Variants in RBMS2 observed in about 807,000 individuals in gnomAD.
RBMS2 encodes RNA-binding motif, single-stranded-interacting protein 2.
In RBMS2, 38 loss-of-function variants were observed where a neutral mutation model predicts 58.4. The ratio of observed to expected loss-of-function variants is 0.65; its 90% CI spans 0.50 to 0.85. The LOEUF (loss-of-function observed/expected upper bound fraction) is 0.85. Among genes scored for constraint, RBMS2 ranks in the 40% least tolerant of loss-of-function variants. The pLI is 0.00. For synonymous variants in RBMS2, 151 were observed against 180.7 expected (o/e 0.84, Z 1.32); for missense variants, 367 against 503.7 (o/e 0.73, Z 2.60).
chr12:56,541,100 CA>C (rs376084138), intron 1 of RBMS2, among the ~76,000 whole-genome samples: 2,152 of 125,058 alleles, frequency 0.017, 22 homozygotes, highest in African/African-American at 0.034. Flanking sequence ...GACCTTGACT[CA>C]AAAAAAAAAA....
At chr12:56,548,508 G>A (rs1877669375) in intron 1 of RBMS2, among the ~76,000 whole-genome samples, 1 of 152,102 alleles carries the variant, frequency 6.6e-6, no homozygotes. Context: ...GGATCTCATG[G>A]GTAATTATTA....
chr12:56,548,063 T>C (rs1877580070), intron 1 of RBMS2, among the ~76,000 whole-genome samples: 1 of 152,182 alleles, frequency 6.6e-6, no homozygotes, highest in African/African-American at 2.4e-5. Flanking sequence ...TGTTAATAAA[T>C]AAATATATTA....
chr12:56,553,970 G>A (rs907064135), intron 1 of RBMS2, among the ~76,000 whole-genome samples: 3 of 151,656 alleles, frequency 2.0e-5, no homozygotes, highest in Admixed American at 6.6e-5. Context: ...GACTATAGGC[G>A]CATGCCACTA....
In RBMS2 at chr12:56,588,379, G is replaced by A; in HGVS notation, c.1143+5G>A. On this transcript the variant is annotated splice_donor_5th_base_variant and intron_variant, in intron 12 of 13. Transcript: ENST00000262031. ...TCTTCCAGTGTTTCAGTCGAGGTAA[G>A]GGTGTTATCATTTCTTTGGATTGAG... is the stretch of plus-strand genomic sequence containing the variant. 3 of 1,607,566 alleles carry A rather than the reference G, an allele frequency of 1.9e-6. No individual in the cohort carries two copies. Among genetic ancestry groups the A allele is most frequent in the Non-Finnish European group, 2.6e-6 (3 of 1,174,300 alleles).
intron 1 of RBMS2, among the ~76,000 whole-genome samples, chr12:56,526,652 C>A (rs1592311637): frequency 2.7e-5 from 3 of 112,144 alleles, no homozygotes; most frequent in African/African-American, 6.9e-5. Context: ...TAATGCCCTT[C>A]AGTAACTTGG....
At chr12:56,574,077 G>A (rs1006204194) in intron 5 of RBMS2, among the ~76,000 whole-genome samples, 9 of 152,222 alleles carry the variant, frequency 5.9e-5, no homozygotes, top group African/African-American at 2.2e-4. Flanking sequence ...CTGACCTCAG[G>A]TTATCCAGCC....
chr12:56,586,021 A>G (rs1035119484), intron 9 of RBMS2, among the ~76,000 whole-genome samples: 3 of 152,042 alleles, frequency 2.0e-5, no homozygotes, highest in Admixed American at 6.6e-5. Context: ...CGTCTCTACA[A>G]AAAATACAAA....
chr12:56,581,329 A>C (rs1171391448), intron 6 of RBMS2, 66 bp downstream of exon 6: 1 of 1,590,020 alleles, frequency 6.3e-7, no homozygotes, highest in Non-Finnish European at 8.6e-7. Flanking sequence ...ATTCTGGAGC[A>C]GCTTTGCATG....
chr12:56,546,560 CCTGA>C (rs1339036971), intron 1 of RBMS2, among the ~76,000 whole-genome samples: 1 of 151,792 alleles, frequency 6.6e-6, no homozygotes, highest in Non-Finnish European at 1.5e-5. Flanking sequence ...GTCTAGATCT[CCTGA>C]CCTTGTGATC....
Position 56,522,080 on chromosome 12 carries a change from C to A in RBMS2, c.57C>A (p.Asn19Lys). The change falls in exon 1 of 14, where the codon AAC becomes AAA. Residue 19 changes from asparagine (N) to lysine (K), a missense_variant. Around this residue, in one of 3 missense-constraint regions of RBMS2, gnomAD observed 93 missense variants for 132.2 expected, o/e 0.70. Coordinates refer to ENST00000262031, the MANE Select transcript of RBMS2 (RefSeq NM_002898.4). ...PGISTFGYNR[N>K]NKKPYVSLAQ... The stretch of plus-strand genomic sequence containing the variant: ...TTTCGACTTTTGGCTACAATAGAAA[C>A]AACAAGAAGGTAGGGAAAAGCGCTT... 2 of 1,593,970 alleles carry A rather than the reference C, an allele frequency of 1.3e-6. No individual in the cohort carries two copies. The highest frequency in any genetic ancestry group is 1.7e-6 in the Non-Finnish European group (2 of 1,164,682).
At chr12:56,573,283 C>T (rs1882599633) in intron 5 of RBMS2, 1 of 645,654 alleles carries the variant, frequency 1.5e-6, no homozygotes, top group Admixed American at 6.4e-5. Flanking sequence ...TTGAGACCAG[C>T]CTGGCCAACC....
At chr12:56,546,471 A>G (rs922908736) in intron 1 of RBMS2, among the ~76,000 whole-genome samples, 2 of 139,540 alleles carry the variant, frequency 1.4e-5, no homozygotes, top group Non-Finnish European at 3.1e-5. Context: ...AAATAAATGT[A>G]TATTATATTT....
intron 1 of RBMS2, among the ~76,000 whole-genome samples, chr12:56,552,583 G>A (rs906072614): frequency 1.1e-4 from 16 of 152,158 alleles, no homozygotes; most frequent in Admixed American, 7.2e-4. Flanking sequence ...CACAGGCCAG[G>A]TGCAGTGGCT....
chr12:56,577,634 C>T (rs1372326314), intron 5 of RBMS2, among the ~76,000 whole-genome samples: 1 of 151,686 alleles, frequency 6.6e-6, no homozygotes, highest in Non-Finnish European at 1.5e-5. Flanking sequence ...ACCACCATGC[C>T]CAGCTAATTT....
chr12:56,569,328 T>C (rs1316448695), intron 3 of RBMS2, among the ~76,000 whole-genome samples: 2 of 152,156 alleles, frequency 1.3e-5, no homozygotes, highest in Non-Finnish European at 2.9e-5. Flanking sequence ...GTAAGTGAGA[T>C]TTTCTTCTGC....
At position 56,569,967 on chromosome 12, in the gene RBMS2, G is replaced by A. The variant is rs1171582771; in HGVS notation, c.361G>A (p.Gly121Ser). 5.6e-6 allele frequency: 9 copies of A among 1,613,402 alleles called. No homozygotes were observed. The highest frequency in any genetic ancestry group is 3.3e-5 in the South Asian group (3 of 91,064). The change falls in exon 4 of 14, where the codon GGT becomes AGT. Residue 121 changes from glycine to serine, a missense_variant. Physicochemically the swap from Gly to Ser is moderately conservative, Grantham distance 56. Around this residue, in one of 3 missense-constraint regions of RBMS2, gnomAD observed 54 missense variants for 110.4 expected, o/e 0.49. Transcript: ENST00000262031. Reference sequence around the variant, plus strand: ...AGCTGTAACAGCACTGAAGGCCAGCGGTGTACAGGCACAGATGGCAAAGGT... The same window carrying A: ...AGCTGTAACAGCACTGAAGGCCAGCAGTGTACAGGCACAGATGGCAAAGGT... ...QKAVTALKAS[G>S]VQAQMAKQQE...
At chr12:56,579,354 G>C (rs548973853) in intron 5 of RBMS2, among the ~76,000 whole-genome samples, 1 of 152,248 alleles carries the variant, frequency 6.6e-6, no homozygotes, top group Admixed American at 6.5e-5. Flanking sequence ...CTTTTGGCTG[G>C]TTGCGGTGAC....
intron 9 of RBMS2, among the ~76,000 whole-genome samples, chr12:56,585,070 A>G (rs111775699): frequency 0.1 from 15,822 of 152,038 alleles, 1,003 homozygotes; most frequent in East Asian, 0.17. Flanking sequence ...TGATCCACCC[A>G]CCTCGGCCTC....
intron 10 of RBMS2, among the ~76,000 whole-genome samples, chr12:56,587,175 G>A (rs1884787000): frequency 1.3e-5 from 2 of 151,946 alleles, no homozygotes; most frequent in South Asian, 4.2e-4. Context: ...GCTGATACAG[G>A]AGAATTGCTT....
Sources: gnomAD v4.1 joint callset for allele counts (sites outside exome capture counted in the v4.1 genomes callset) on GRCh38, gnomAD v4.1.1 for gene constraint, gnomAD v4.1.1 regional missense constraint, MANE v1.5 for transcripts, NCBI Gene and HGNC (gene_info 2026-07-23, HGNC 2026-07-21) for gene names.